NFATC3: variants seen among roughly 807,000 people sequenced by gnomAD.
NFATC3 encodes nuclear factor of activated T-cells, cytoplasmic 3.
Under a neutral mutation model 98.6 loss-of-function variants are expected in NFATC3, and 46 were observed. The ratio of observed to expected loss-of-function variants is 0.47; its 90% CI spans 0.37 to 0.60. NFATC3 has a LOEUF of 0.60. Among genes scored for constraint, NFATC3 ranks in the 20% least tolerant of loss-of-function variants. The pLI is 0.00. For synonymous variants in NFATC3, 512 were observed against 472.2 expected, an observed-to-expected ratio of 1.08 and a Z score of -1.09; for missense variants, 1,256 against 1,295.5, an observed-to-expected ratio of 0.97 and a Z score of 0.47.
Position 68,191,382 on chromosome 16 carries a change from C to T in NFATC3, c.2713C>T (p.Gln905Ter). Residue 905 changes from glutamine (Q) to a stop codon, truncating the protein, a stop_gained, in exon 9 of 10, where the codon CAG (glutamine) becomes TAG (stop). Transcript: ENST00000346183. LOFTEE classifies it high-confidence loss of function. Reference protein sequence around the residue: ...SSPVADQITGQPSSQLQPITY... With the variant: ...SSPVADQITG ...TCCAGTGGCTGACCAGATTACAGGT[C>T]AGCCTTCGTCTCAGTTACAACCTAT... 6.2e-7 allele frequency: 1 copy of T among 1,614,180 alleles called. No individual in the cohort carries two copies. Among genetic ancestry groups the T allele is most frequent in the Non-Finnish European group, 8.5e-7 (1 of 1,180,034 alleles).
intron 3 of NFATC3, among the ~76,000 whole-genome samples, chr16:68,152,060 G>T (rs1372140550): frequency 3.2e-4 from 35 of 108,696 alleles, no homozygotes; most frequent in African/African-American, 1.4e-3. Flanking sequence ...GTGAGGCTCC[G>T]TTTCAAAAAA....
At chr16:68,209,853 A>C in intron 9 of NFATC3, 1 of 307,688 alleles carries the variant, frequency 3.3e-6, no homozygotes, top group South Asian at 2.6e-5. Flanking sequence ...ACACACAGAC[A>C]CACACACACA....
At position 68,191,784 on chromosome 16, in the gene NFATC3, A is replaced by G. The variant is rs373487168; in HGVS notation, c.3106+9A>G. On this transcript the variant is annotated intron_variant, in intron 9 of 9. Coordinates refer to ENST00000346183, the MANE Select transcript of NFATC3 (RefSeq NM_173165.3). ...CATCACTTTAGATGATGGTAAGTTC[A>G]TCTCTGATATGTTCTTGAAGTAGTG... 681 of 1,613,884 alleles carry G rather than the reference A, an allele frequency of 4.2e-4. 1 individual carries two copies. The highest frequency in any genetic ancestry group is 5.6e-4 in the Non-Finnish European group (657 of 1,179,894).
At chr16:68,181,648 A>T (rs1291840867) in intron 7 of NFATC3, 118 bp downstream of exon 7, 2 of 717,104 alleles carry the variant, frequency 2.8e-6, no homozygotes, top group Non-Finnish European at 4.6e-6. Flanking sequence ...AAGTAAAATT[A>T]GGCTGGGCAT....
At chr16:68,167,465 A>T (rs1002449841) in intron 5 of NFATC3, among the ~76,000 whole-genome samples, 3 of 152,196 alleles carry the variant, frequency 2.0e-5, no homozygotes, top group African/African-American at 7.2e-5. Flanking sequence ...CAAATTATTT[A>T]CAACATCTGA....
chr16:68,143,077 A>G (rs554564674), intron 3 of NFATC3, among the ~76,000 whole-genome samples: 50 of 152,196 alleles, frequency 3.3e-4, no homozygotes, highest in Admixed American at 6.5e-4. Context: ...ACCAAAAAAT[A>G]AAAATAAAAA....
chr16:68,165,035 A>G (rs746928612), intron 4 of NFATC3, among the ~76,000 whole-genome samples: 12 of 152,106 alleles, frequency 7.9e-5, no homozygotes, highest in Non-Finnish European at 1.5e-4. Flanking sequence ...ACTTTCTGGT[A>G]CTGTTATTTC....
At chr16:68,098,423 T>C (rs1234713701) in intron 1 of NFATC3, among the ~76,000 whole-genome samples, 1 of 150,944 alleles carries the variant, frequency 6.6e-6, no homozygotes, top group African/African-American at 2.4e-5. Context: ...TGCCTCAGCC[T>C]CCCGAGTAGC....
chr16:68,167,165 A>G (rs2039234234), intron 5 of NFATC3, 150 bp downstream of exon 5: 2 of 768,460 alleles, frequency 2.6e-6, no homozygotes, highest in Middle Eastern at 2.6e-4. Context: ...ATGAGCTAAC[A>G]TGTTTGGGTG....
At chr16:68,168,194 T>G (rs1598490231) in intron 5 of NFATC3, among the ~76,000 whole-genome samples, 1 of 149,814 alleles carries the variant, frequency 6.7e-6, no homozygotes, top group East Asian at 2.0e-4. Context: ...GGAGTCTCAC[T>G]CTCTTGCCCA....
chr16:68,184,108 G>A (rs1327652234), intron 8 of NFATC3, among the ~76,000 whole-genome samples: 1 of 151,218 alleles, frequency 6.6e-6, no homozygotes, highest in African/African-American at 2.4e-5. Flanking sequence ...TTTATAAAGT[G>A]TCAAGAACCA....
intron 8 of NFATC3, chr16:68,189,521 TAGGG>T (rs2040349593): frequency 6.5e-6 from 1 of 154,850 alleles, no homozygotes; most frequent in Non-Finnish European, 1.4e-5. Context: ...GAGACTTTGA[TAGGG>T]ATTACATTGA....
chr16:68,085,849 C>A, intron 1 of NFATC3, 65 bp downstream of exon 1: 1 of 1,222,016 alleles, frequency 8.2e-7, no homozygotes, highest in Non-Finnish European at 1.1e-6. Flanking sequence ...TCTCTCGCTC[C>A]CTCCCTGTTC....
Position 68,106,256 on chromosome 16 carries a change from C to T in NFATC3, c.104-15731C>T, listed in dbSNP as rs558597301. On this transcript the variant is annotated intron_variant, in intron 1 of 9. Coordinates refer to ENST00000346183, the MANE Select transcript of NFATC3 (RefSeq NM_173165.3). ...AATACATTCTAACAAAATCCACTTA[C>T]GTTGTGCTAAAGTAGTGTTTTCTTT... 6.1e-4 allele frequency among the ~76,000 whole-genome samples: 92 copies of T among 151,880 alleles called. 1 individual carries two copies. The highest frequency in any genetic ancestry group is 1.9e-3 in the African/African-American group (79 of 41,452).
intron 9 of NFATC3, among the ~76,000 whole-genome samples, chr16:68,224,274 CTTTTT>C (rs952835724): frequency 8.2e-6 from 1 of 121,666 alleles, no homozygotes; most frequent in African/African-American, 3.3e-5. Context: ...TAAGCCAAAT[CTTTTT>C]TTTTTTTTTT....
chr16:68,161,442 C>A (rs776792442), intron 4 of NFATC3, among the ~76,000 whole-genome samples: 6 of 152,170 alleles, frequency 3.9e-5, no homozygotes, highest in Non-Finnish European at 8.8e-5. Flanking sequence ...CATGAACATA[C>A]TTCATAATCT....
intron 8 of NFATC3, among the ~76,000 whole-genome samples, chr16:68,186,525 A>G (rs940609214): frequency 3.9e-5 from 6 of 152,180 alleles, no homozygotes; most frequent in Non-Finnish European, 7.3e-5. Flanking sequence ...GGGTGACAGA[A>G]CAAGACTCCA....
At chr16:68,180,695 C>T (rs1225885381) in intron 6 of NFATC3, among the ~76,000 whole-genome samples, 1 of 152,080 alleles carries the variant, frequency 6.6e-6, no homozygotes, top group African/African-American at 2.4e-5. Context: ...ATTCCCCATT[C>T]CTGTGTCTCA....
intron 9 of NFATC3, among the ~76,000 whole-genome samples, chr16:68,211,155 T>C (rs967867556): frequency 2.0e-5 from 3 of 151,992 alleles, no homozygotes; most frequent in African/African-American, 7.2e-5. Flanking sequence ...TTTTCTTTAA[T>C]CTTTTTAAGA....
Sources: allele counts gnomAD v4.1 joint callset (sites outside exome capture counted in the v4.1 genomes callset), GRCh38; gene constraint gnomAD v4.1.1; transcripts MANE v1.5; gene names NCBI Gene and HGNC (gene_info 2026-07-23, HGNC 2026-07-21).